The following ERBB4 variants were observed in gnomAD, a reference collection of about 807,000 sequenced individuals.
ERBB4 encodes receptor tyrosine-protein kinase erbB-4.
Under a neutral mutation model 158.0 loss-of-function variants are expected in ERBB4, and 42 were observed. The ratio of observed to expected loss-of-function variants is 0.27; its 90% confidence interval spans 0.21 to 0.34. ERBB4 has a LOEUF of 0.34. Ranked by LOEUF, ERBB4 falls within the 10% of genes least tolerant of loss-of-function variation. The pLI, the probability that ERBB4 is intolerant of heterozygous loss-of-function variation, is 1.00. For synonymous variants in ERBB4, 583 were observed against 558.7 expected (o/e 1.04, Z -0.61); for missense variants, 1,333 against 1,624.1 (o/e 0.82, Z 3.08).
At chr2:212,482,375 G>A (rs917746274) in intron 1 of ERBB4, among the ~76,000 whole-genome samples, 2 of 152,082 alleles carry the variant, frequency 1.3e-5, no homozygotes, top group African/African-American at 4.8e-5. Flanking sequence ...AGGAAATGTG[G>A]TATATCAATC....
At chr2:212,508,776 T>C (rs376653131) in intron 1 of ERBB4, among the ~76,000 whole-genome samples, 4 of 152,120 alleles carry the variant, frequency 2.6e-5, no homozygotes, top group African/African-American at 9.6e-5. Flanking sequence ...ATAATCACAA[T>C]AGCAGTTATG....
intron 2 of ERBB4, among the ~76,000 whole-genome samples, chr2:212,120,192 G>A (rs1334290168): frequency 6.6e-6 from 1 of 152,142 alleles, no homozygotes; most frequent in East Asian, 1.9e-4. Context: ...TGTTCTATCT[G>A]CGCAGCTCTC....
At chr2:212,494,820 T>C (rs76095663) in intron 1 of ERBB4, among the ~76,000 whole-genome samples, 2,233 of 152,260 alleles carry the variant, frequency 0.015, 51 homozygotes, top group African/African-American at 0.051. Flanking sequence ...CAGATGTTAA[T>C]GGCCCTTGGC....
chr2:212,202,942 AAAACCAT>A lies in ERBB4; in HGVS notation c.83-78046_83-78040del, dbSNP rs566485453. Among the ~76,000 whole-genome samples the A allele has an allele frequency of 2.3e-4, 35 of 151,790 alleles. No individual in the cohort carries two copies. In the South Asian group the frequency reaches 6.8e-3, roughly 30 times the overall value. ...ATATTAATAGTATTACATTAATAAC[AAAACCAT>A]AATAATACTATACATTTATGTAATA... is the stretch of plus-strand genomic sequence containing the variant. On this transcript the variant is annotated intron_variant, in intron 1 of 27. Transcript: ENST00000342788.
chr2:212,337,591 C>A (rs1235127917), intron 1 of ERBB4, among the ~76,000 whole-genome samples: 1 of 152,044 alleles, frequency 6.6e-6, no homozygotes, highest in Non-Finnish European at 1.5e-5. Flanking sequence ...ATTCCATGCT[C>A]ACCCCAGAGG....
intron 1 of ERBB4, among the ~76,000 whole-genome samples, chr2:212,243,612 A>C (rs901554643): frequency 3.3e-5 from 5 of 152,130 alleles, no homozygotes; most frequent in African/African-American, 1.2e-4. Context: ...GACTTATATA[A>C]TAAGAGATAC....
chr2:211,481,131 G>A (rs1262533118), intron 20 of ERBB4, among the ~76,000 whole-genome samples: 1 of 151,846 alleles, frequency 6.6e-6, no homozygotes, highest in Non-Finnish European at 1.5e-5. Context: ...CCCATTAAGA[G>A]GTCATAGAAA....
intron 12 of ERBB4, among the ~76,000 whole-genome samples, chr2:211,697,850 TACA>T (rs2073082152): frequency 1.3e-5 from 2 of 152,328 alleles, no homozygotes; most frequent in Middle Eastern, 3.4e-3. Flanking sequence ...TAGCGTCATT[TACA>T]CAGAAATTCC....
At chr2:212,483,473 G>A (rs1689812467) in intron 1 of ERBB4, among the ~76,000 whole-genome samples, 1 of 152,098 alleles carries the variant, frequency 6.6e-6, no homozygotes, top group Admixed American at 6.6e-5. Context: ...TAAGTGCTAA[G>A]GACGCTTTCT....
intron 2 of ERBB4, among the ~76,000 whole-genome samples, chr2:212,078,995 T>C (rs918499302): frequency 1.3e-5 from 2 of 151,372 alleles, no homozygotes; most frequent in African/African-American, 4.8e-5. Flanking sequence ...ACGTTAGTAT[T>C]TATAGATTTA....
chr2:212,462,673 G>T (rs1316183458), intron 1 of ERBB4, among the ~76,000 whole-genome samples: 1 of 151,964 alleles, frequency 6.6e-6, no homozygotes, highest in Non-Finnish European at 1.5e-5. Flanking sequence ...ATTAGTACAG[G>T]CATTATGGAA....
chr2:212,513,804 T>C (rs1014719997), intron 1 of ERBB4, among the ~76,000 whole-genome samples: 1 of 148,282 alleles, frequency 6.7e-6, no homozygotes, highest in Non-Finnish European at 1.5e-5. Context: ...ACGGCGAGAC[T>C]CCGTCTCAAA....
chr2:211,701,755 TCAAAAAAAAAAAAA>T (rs1325190762), intron 12 of ERBB4, among the ~76,000 whole-genome samples, 198 bp downstream of exon 12: 1 of 32,330 alleles, frequency 3.1e-5, no homozygotes, highest in Non-Finnish European at 4.8e-5. Context: ...AGACTCCGTC[TCAAAAAAAAAAAAA>T]AAAAAAAAAA....
At chr2:211,632,603 A>G (rs984441846) in intron 16 of ERBB4, among the ~76,000 whole-genome samples, 1 of 149,666 alleles carries the variant, frequency 6.7e-6, no homozygotes, top group Non-Finnish European at 1.5e-5. Flanking sequence ...AAAACGCTCT[A>G]TTTTGTTTTT....
At chr2:212,033,499 T>C (rs1403882528) in intron 2 of ERBB4, among the ~76,000 whole-genome samples, 2 of 151,884 alleles carry the variant, frequency 1.3e-5, no homozygotes, top group Non-Finnish European at 2.9e-5. Context: ...AAAAAACTTT[T>C]CCAATATTTG....
chr2:211,678,316 AAC>A (rs1200962279), intron 13 of ERBB4, among the ~76,000 whole-genome samples: 326 of 18,166 alleles, frequency 0.018, 3 homozygotes, highest in Middle Eastern at 0.1. Context: ...AAAACAAACA[AAC>A]AAAAAAAAAA....
chr2:212,146,690 G>A (rs1264438982), intron 1 of ERBB4, among the ~76,000 whole-genome samples: 5 of 152,018 alleles, frequency 3.3e-5, no homozygotes, highest in African/African-American at 4.8e-5. Context: ...CCCTAACTAC[G>A]GCAAGCATTC....
chr2:211,566,642 A>G (rs1574765164), intron 19 of ERBB4, among the ~76,000 whole-genome samples: 1 of 152,314 alleles, frequency 6.6e-6, no homozygotes, highest in Non-Finnish European at 1.5e-5. Flanking sequence ...AAGTGTATTC[A>G]CAGTGTAAAC....
At chr2:212,048,087 A>C (rs1322476355) in intron 2 of ERBB4, among the ~76,000 whole-genome samples, 7 of 152,176 alleles carry the variant, frequency 4.6e-5, no homozygotes, top group Non-Finnish European at 1.5e-5. Context: ...AGGGAAGAAA[A>C]AGTTCAGAAG....
Sources: gnomAD v4.1 joint callset for allele counts (sites outside exome capture counted in the v4.1 genomes callset) on GRCh38, gnomAD v4.1.1 for gene constraint, MANE v1.5 for transcripts, NCBI Gene and HGNC (gene_info 2026-07-23, HGNC 2026-07-21) for gene names.